The following ATP1B4 variants were observed in gnomAD, a reference collection of about 807,000 sequenced individuals.
The protein encoded by ATP1B4 is ATPase Na+/K+ transporting family member beta 4, also known as protein ATP1B4.
ATP1B4 carries 32 observed loss-of-function variants against 29.6 expected under a neutral mutation model. The observed-to-expected ratio is 1.08, with a 90% confidence interval of 0.82 to 1.45. The LOEUF (loss-of-function observed/expected upper bound fraction) is 1.45, where lower values mean the gene tolerates loss of function less well. Ranked by LOEUF, ATP1B4 falls within the 40% of genes most tolerant of loss-of-function variation. The pLI is 0.00. For synonymous variants in ATP1B4, 127 were observed against 102.1 expected (o/e 1.24, Z -1.47); for missense variants, 323 against 276.2 (o/e 1.17, Z -1.20).
chrX:120,375,015 C>A (rs977404666), intron 4 of ATP1B4, among the ~76,000 whole-genome samples: 1 of 105,652 alleles, frequency 9.5e-6, no homozygotes, highest in Non-Finnish European at 1.9e-5. Flanking sequence ...GAAGGGACAG[C>A]CTTCCAAGTT....
At chrX:120,373,984 A>G (rs751186124) in intron 4 of ATP1B4, among the ~76,000 whole-genome samples, 14 of 107,585 alleles carry the variant, frequency 1.3e-4, no homozygotes, top group Non-Finnish European at 2.5e-4. Context: ...TCTCACTCTT[A>G]CAATCAGGTG....
At position 120,379,470 on chromosome X, in the gene ATP1B4, C is replaced by A; in HGVS notation, c.913-3C>A. The A allele has an allele frequency of 8.3e-7, 1 of 1,200,069 alleles. No homozygotes were observed. The highest frequency in any genetic ancestry group is 1.7e-5 in the African/African-American group (1 of 57,324). On this transcript the variant is annotated splice_region_variant and splice_polypyrimidine_tract_variant and intron_variant, in intron 7 of 7. Transcript: ENST00000218008. ...TTAGAATTCATTTTTCTTCTACCTG[C>A]AGGTTAACTACACATCCCCCTTGGT...
At chrX:120,364,674 C>A (rs912585038) in intron 1 of ATP1B4, among the ~76,000 whole-genome samples, 1 of 112,338 alleles carries the variant, frequency 8.9e-6, no homozygotes, top group Non-Finnish European at 1.9e-5. Flanking sequence ...CACTGTGAGC[C>A]TATGTCAGTC....
At chrX:120,362,298 G>T (rs774166501) in intron 1 of ATP1B4, 67 bp downstream of exon 1, 88 of 1,025,921 alleles carry the variant, frequency 8.6e-5, no homozygotes, top group Non-Finnish European at 9.5e-5. Context: ...TGGGTTGGGG[G>T]CTGTGTAGAC....
Position 120,371,025 on chromosome X carries a change from G to A in ATP1B4, c.458-81G>A, listed in dbSNP as rs1457836732. The A allele has an allele frequency of 4.8e-6, 5 of 1,039,567 alleles. No individual in the cohort carries two copies. The African/African-American group carries it at 7.5e-5, about 16-fold the overall frequency. 85.7% of individuals were successfully genotyped at this position (1,039,567 alleles called of 1,213,427 possible). ...TTCTTTTCATTTTGATTGCCTGGGG[G>A]GAAATGGTTTCATGGGAATCAATAC... On this transcript the variant is annotated intron_variant, in intron 3 of 7. Transcript: ENST00000218008.
rs2058377676 is a variant in ATP1B4, at chrX:120,380,704, T to C, written c.*1070T>C. The C allele has an allele frequency of 1.8e-5, 2 of 112,329 alleles. No individual in the cohort carries two copies. The highest frequency in any genetic ancestry group is 3.8e-5 in the Non-Finnish European group (2 of 53,280). The allele number at this position is 112,329 out of a possible 1,213,427, so 9.3% of individuals were successfully genotyped here. A position where few individuals can be genotyped will look rare whatever the true frequency, so the allele number is the denominator to read the frequency against. On this transcript the variant is annotated 3_prime_UTR_variant, in exon 8 of 8. Transcript: ENST00000218008. ...AGGGGTGGTTACATAGACCAGCAGCTACAGCTCTGGAAATTGAAATCATAA... is the reference window on the plus strand; with the variant it reads ...AGGGGTGGTTACATAGACCAGCAGCCACAGCTCTGGAAATTGAAATCATAA...
chrX:120,375,353 C>T lies in ATP1B4; in HGVS notation c.563-19C>T. 8.4e-7 allele frequency: 1 copy of T among 1,192,356 alleles called. No individual in the cohort carries two copies. The highest frequency in any genetic ancestry group is 1.1e-6 in the Non-Finnish European group (1 of 882,384). Reference sequence around the variant, plus strand: ...AGCACCTGTCTAACATAACCTGTTGCCACTCACACATGCTTTAGGTTATAA... The same window carrying T: ...AGCACCTGTCTAACATAACCTGTTGTCACTCACACATGCTTTAGGTTATAA... On this transcript the variant is annotated intron_variant, in intron 4 of 7. Coordinates refer to ENST00000218008, the MANE Select transcript of ATP1B4 (RefSeq NM_001142447.3).
chrX:120,368,599 A>G (rs891636314), intron 2 of ATP1B4, among the ~76,000 whole-genome samples: 3 of 112,054 alleles, frequency 2.7e-5, no homozygotes, highest in African/African-American at 9.7e-5. Flanking sequence ...CTATAGTCAT[A>G]TAGTTACTAA....
chrX:120,373,880 T>C (rs369161999), intron 4 of ATP1B4, among the ~76,000 whole-genome samples: 1 of 110,936 alleles, frequency 9.0e-6, no homozygotes, highest in African/African-American at 3.3e-5. Flanking sequence ...GATGAAGAGC[T>C]GGCTTATTCC....
intron 2 of ATP1B4, among the ~76,000 whole-genome samples, chrX:120,370,008 T>G (rs1035180117): frequency 9.0e-6 from 1 of 111,663 alleles, no homozygotes; most frequent in African/African-American, 3.3e-5. Flanking sequence ...AGTGCTATTT[T>G]TATCCCCATC....
At chrX:120,370,975 TA>T in intron 3 of ATP1B4, 130 bp from the exon 4 acceptor site, 1 of 1,040,104 alleles carries the variant, frequency 9.6e-7, no homozygotes. Flanking sequence ...GGAGGAAAAG[TA>T]AAATGGTACT....
chrX:120,364,717 C>CT (rs1335275747), intron 1 of ATP1B4, among the ~76,000 whole-genome samples: 2 of 111,758 alleles, frequency 1.8e-5, no homozygotes, highest in East Asian at 2.8e-4. Flanking sequence ...CACCTAAAAT[C>CT]TTTTTTTGTG....
intron 5 of ATP1B4, among the ~76,000 whole-genome samples, chrX:120,375,878 G>A (rs1395890750): frequency 9.0e-6 from 1 of 110,645 alleles, no homozygotes; most frequent in South Asian, 3.9e-4. Context: ...TGAGGAAGGA[G>A]GGTTGCTTGA....
chrX:120,374,401 T>G (rs1201996188), intron 4 of ATP1B4, among the ~76,000 whole-genome samples: 2 of 104,177 alleles, frequency 1.9e-5, no homozygotes, highest in Non-Finnish European at 3.9e-5. Context: ...GGGTTCACCT[T>G]GTTTCCTAAG....
chrX:120,375,301 A>C, intron 4 of ATP1B4, 71 bp from the exon 5 acceptor site: 1 of 932,212 alleles, frequency 1.1e-6, no homozygotes, highest in Admixed American at 2.7e-5. Flanking sequence ...GGGAGGGAGG[A>C]CTACTGAACG....
At chrX:120,378,525 C>T (rs1412515820) in intron 6 of ATP1B4, among the ~76,000 whole-genome samples, 153 bp from the exon 7 acceptor site, 1 of 111,519 alleles carries the variant, frequency 9.0e-6, no homozygotes, top group African/African-American at 3.3e-5. Flanking sequence ...GGACAGGTCA[C>T]GGCTGAGCTC....
At chrX:120,373,553 G>A (rs2058324439) in intron 4 of ATP1B4, among the ~76,000 whole-genome samples, 1 of 111,903 alleles carries the variant, frequency 8.9e-6, no homozygotes, top group African/African-American at 3.3e-5. Context: ...GAGTCTAACA[G>A]GACTAACTGG....
At position 120,382,333 on chromosome X, in the gene ATP1B4, C is replaced by G. The variant is rs1247736780; in HGVS notation, c.*2699C>G. 2.7e-5 allele frequency: 3 copies of G among 111,906 alleles called. No individual in the cohort carries two copies. The highest frequency in any genetic ancestry group is 5.6e-5 in the Non-Finnish European group (3 of 53,160). The allele number at this position is 111,906 out of a possible 1,213,427, so 9.2% of individuals were successfully genotyped here. On this transcript the variant is annotated 3_prime_UTR_variant, in exon 8 of 8. Transcript: ENST00000218008. Reference sequence around the variant, plus strand: ...AAACAAACATACAATGAAACTGCCTCCTCTCAACCCATTTTCTTAACAAAT... The same window carrying G: ...AAACAAACATACAATGAAACTGCCTGCTCTCAACCCATTTTCTTAACAAAT...
chrX:120,367,006 CA>C (rs1257148482), intron 2 of ATP1B4, among the ~76,000 whole-genome samples: 3 of 112,353 alleles, frequency 2.7e-5, no homozygotes, highest in Non-Finnish European at 3.8e-5. Flanking sequence ...AACCAAAACC[CA>C]CTGGGCTCAA....
Sources: gnomAD v4.1 joint callset for allele counts (sites outside exome capture counted in the v4.1 genomes callset) on GRCh38, gnomAD v4.1.1 for gene constraint, MANE v1.5 for transcripts, NCBI Gene and HGNC (gene_info 2026-07-23, HGNC 2026-07-21) for gene names.